Variants in DENND1C observed in about 807,000 individuals in gnomAD.
DENND1C encodes DENN domain-containing protein 1C.
In DENND1C, 64 loss-of-function variants were observed where a neutral mutation model predicts 87.9. The observed-to-expected ratio is 0.73, with a 90% CI of 0.60 to 0.90. The LOEUF is 0.90. Among genes scored for constraint, DENND1C ranks in the 40% least tolerant of loss-of-function variants. DENND1C has a pLI of 0.00. For synonymous variants in DENND1C, 384 were observed against 424.4 expected (o/e 0.90, Z 1.17); for missense variants, 980 against 1,037.0 (o/e 0.95, Z 0.76).
rs1490969740 is a variant in DENND1C at position 6,467,476 on chromosome 19, A to G, written c.*28T>C. The G allele has an allele frequency of 1.3e-6, 2 of 1,510,630 alleles. No individual in the cohort carries two copies. Among genetic ancestry groups the G allele is most frequent in the Non-Finnish European group, 1.8e-6 (2 of 1,130,628 alleles). The allele number at this position is 1,510,630 out of a possible 1,614,324, so 93.6% of individuals were successfully genotyped here. A position where few individuals can be genotyped will look rare whatever the true frequency, so the allele number is the denominator to read the frequency against. On this transcript the variant is annotated 3_prime_UTR_variant, in exon 23 of 23. Transcript: ENST00000381480. Reference sequence around the variant, plus strand: ...TGGGCTCTTGTGGCTTTATTGAGGGACTGGGGTCTCTCTTGGACCCCTGAT... The same window carrying G: ...TGGGCTCTTGTGGCTTTATTGAGGGGCTGGGGTCTCTCTTGGACCCCTGAT...
intron 17 of DENND1C, 100 bp downstream of exon 17, chr19:6,471,165 C>T (rs751440399): frequency 5.3e-6 from 8 of 1,511,524 alleles, no homozygotes; most frequent in African/African-American, 4.2e-5. Context: ...TAACCGGTCT[C>T]AAACTTCTGG....
chr19:6,467,904 TC>T lies in DENND1C; in HGVS notation c.2005del (p.Asp669ThrfsTer11), dbSNP rs772049667. ...TASADPSIWG[D>X]PKPSPLTEPL... is the part of the protein sequence containing the mutation. ...CTCTGTGAGAGGAGAGGGTTTGGGG[TC>T]CCCCCAGATGCTTGGGTCTGCAGAA... On this transcript the variant is annotated frameshift_variant, in exon 23 of 23. Coordinates refer to ENST00000381480, the MANE Select transcript of DENND1C (RefSeq NM_024898.4). LOFTEE classifies it low-confidence loss of function (END_TRUNC). 2 of 1,612,076 alleles carry T rather than the reference TC, an allele frequency of 1.2e-6. No homozygotes were observed. Among genetic ancestry groups the T allele is most frequent in the Admixed American group, 1.7e-5 (1 of 59,684 alleles).
At chr19:6,473,336 G>A (rs1352676205) in intron 14 of DENND1C, among the ~76,000 whole-genome samples, 2 of 151,878 alleles carry the variant, frequency 1.3e-5, no homozygotes, top group African/African-American at 4.8e-5. Context: ...TGTATTTTTA[G>A]TAGAGACTGG....
At chr19:6,476,347 C>T (rs763025371) in intron 10 of DENND1C, 90 of 192,004 alleles carry the variant, frequency 4.7e-4, no homozygotes, top group Non-Finnish European at 4.3e-4. Context: ...GGAAGGCAAT[C>T]ATTTGGCCCC....
chr19:6,477,157 C>T, intron 8 of DENND1C, 30 bp from the exon 9 acceptor site: 4 of 1,598,538 alleles, frequency 2.5e-6, no homozygotes, highest in Non-Finnish European at 3.4e-6. Context: ...GGGGATCAAT[C>T]AGTCAGGAGG....
rs747003410 is a variant in DENND1C at position 6,468,356 on chromosome 19, GTTC to G, written c.1666_1668del (p.Glu556del). On this transcript the variant is annotated inframe_deletion, in exon 22 of 23. Coordinates refer to ENST00000381480, the MANE Select transcript of DENND1C (RefSeq NM_024898.4). Reference sequence around the variant, plus strand: ...TCCAGAATCTCGCTCAACAAATCCAGTTCTTCTCCAGACCCCAAGAAGCTGCTG... The same window carrying G: ...TCCAGAATCTCGCTCAACAAATCCAGTTCTCCAGACCCCAAGAAGCTGCTG... 6.2e-7 allele frequency: 1 copy of G among 1,613,872 alleles called. No individual in the cohort carries two copies. The highest frequency in any genetic ancestry group is 8.5e-7 in the Non-Finnish European group (1 of 1,179,822).
Position 6,468,609 on chromosome 19 carries a change from C to T in DENND1C, c.1552G>A (p.Glu518Lys), listed in dbSNP as rs1396335752. The change falls in exon 21 of 23, where the codon GAA (glutamate) becomes AAA (lysine). Residue 518 changes from glutamate (E) to lysine (K), a missense_variant. Transcript: ENST00000381480. ...CCTGGGGGCTCGGAAGTTCCCTCTT[C>T]CAGCTGGCGTCTCCTGCTGGGGCGA... is the stretch of plus-strand genomic sequence containing the variant. ...PLRPSRRRQLEEGTSEPPGAG... is the reference protein window; with the variant it reads ...PLRPSRRRQLKEGTSEPPGAG... 6.6e-7 allele frequency: 1 copy of T among 1,510,742 alleles called. No individual in the cohort carries two copies. The highest frequency in any genetic ancestry group is 2.4e-5 in the East Asian group (1 of 42,112). 93.6% of individuals were successfully genotyped at this position (1,510,742 alleles called of 1,614,324 possible).
At position 6,476,849 on chromosome 19, in the gene DENND1C, C is replaced by T. The variant is rs190712565; in HGVS notation, c.678+8G>A. ...GCTCCCACCCCGGCCCGGCGGACCC[C>T]GCCTCACGGTGCTGAGTTTGCTGGC... On this transcript the variant is annotated splice_region_variant and intron_variant, in intron 10 of 22. Transcript: ENST00000381480. 8.1e-4 allele frequency: 1,307 copies of T among 1,608,690 alleles called. 14 individuals are homozygous for T. The East Asian group carries it at 0.016, about 20-fold the overall frequency.
At chr19:6,476,061 T>TGACAACTCG (rs1177207750) in intron 10 of DENND1C, 124 bp from the exon 11 acceptor site, 3 of 920,632 alleles carry the variant, frequency 3.3e-6, no homozygotes, top group Non-Finnish European at 4.8e-6. Context: ...GGATAATGAG[T>TGACAACTCG]GACAACTCGA....
intron 10 of DENND1C, 76 bp from the exon 11 acceptor site, chr19:6,476,013 C>A: frequency 3.9e-6 from 5 of 1,296,170 alleles, no homozygotes; most frequent in Non-Finnish European, 4.2e-6. Flanking sequence ...GCATTTCCCA[C>A]GTCCCCAGTC....
intron 15 of DENND1C, among the ~76,000 whole-genome samples, chr19:6,472,075 C>T (rs979720576): frequency 1.3e-5 from 2 of 152,210 alleles, no homozygotes; most frequent in East Asian, 1.9e-4. Flanking sequence ...ACTACCCACC[C>T]GCTCTCATTG....
At chr19:6,471,159 C>T (rs11882213) in intron 17 of DENND1C, 106 bp downstream of exon 17, 639,975 of 1,469,106 alleles carry the variant, frequency 0.44, 148,932 homozygotes, top group Non-Finnish European at 0.48. Context: ...TTGCCCTAAC[C>T]GGTCTCAAAC....
chr19:6,467,489 T>C lies in DENND1C; in HGVS notation c.*15A>G, dbSNP rs2145166123. On this transcript the variant is annotated 3_prime_UTR_variant, in exon 23 of 23. Transcript: ENST00000381480. The stretch of plus-strand genomic sequence containing the variant: ...CTTTATTGAGGGACTGGGGTCTCTC[T>C]TGGACCCCTGATTCTTAACCCTCAA... 1.9e-6 allele frequency: 3 copies of C among 1,565,564 alleles called. No homozygotes were observed. The highest frequency in any genetic ancestry group is 1.2e-5 in the South Asian group (1 of 83,502).
chr19:6,472,175 C>CCCCCCCCCCCCCCCCCCCCCCCCCCA (rs2092833150), intron 15 of DENND1C, among the ~76,000 whole-genome samples: 1 of 132,700 alleles, frequency 7.5e-6, no homozygotes, highest in African/African-American at 2.7e-5. Context: ...TATGTGCCAC[C>CCCCCCCCCCCCCCCCCCCCCCCCCCA]CCGCCCCCCC....
At position 6,481,636 on chromosome 19, in the gene DENND1C, C is replaced by A. The variant is rs575755441; in HGVS notation, c.17+43G>T. 5 of 1,611,694 alleles carry A rather than the reference C, an allele frequency of 3.1e-6. No individual in the cohort carries two copies. In the Admixed American group the frequency reaches 5.0e-5, roughly 16 times the overall value. The stretch of plus-strand genomic sequence containing the variant: ...CCTCTGCCCCGGCTCAGGCCTGGCC[C>A]GGGAATCTTGTACCAGAGAATGAGG... On this transcript the variant is annotated intron_variant, in intron 1 of 22. Coordinates refer to ENST00000381480, the MANE Select transcript of DENND1C (RefSeq NM_024898.4).
At chr19:6,471,178 G>C in intron 17 of DENND1C, 87 bp downstream of exon 17, 1 of 1,523,718 alleles carries the variant, frequency 6.6e-7, no homozygotes, top group Non-Finnish European at 8.9e-7. Flanking sequence ...ACTTCTGGTC[G>C]CAGCAATCCT....
Position 6,479,738 on chromosome 19 carries a change from C to G in DENND1C, c.127-20G>C, listed in dbSNP as rs369716889. Reference sequence around the variant, plus strand: ...AGCTTCCTGGAGGTGAAGAAAAGCGCAGACTGCTTGGCCACTGAGGTCGGG... The same window carrying G: ...AGCTTCCTGGAGGTGAAGAAAAGCGGAGACTGCTTGGCCACTGAGGTCGGG... On this transcript the variant is annotated intron_variant, in intron 3 of 22. Transcript: ENST00000381480. The G allele has an allele frequency of 1.9e-6, 3 of 1,613,916 alleles. No homozygotes were observed. The highest frequency in any genetic ancestry group is 2.2e-5 in the South Asian group (2 of 91,084).
chr19:6,474,993 C>T (rs1203013844), intron 14 of DENND1C, among the ~76,000 whole-genome samples: 1 of 151,892 alleles, frequency 6.6e-6, no homozygotes, highest in Non-Finnish European at 1.5e-5. Flanking sequence ...CGCTTGAACC[C>T]GGGAGGCACT....
rs543702567 is a variant in DENND1C, at chr19:6,476,771, T to C, written c.678+86A>G. 175 of 1,365,684 alleles carry C rather than the reference T, an allele frequency of 1.3e-4. 1 individual carries two copies. The South Asian group carries it at 2.2e-3, about 17-fold the overall frequency. The allele number at this position is 1,365,684 out of a possible 1,614,324, so 84.6% of individuals were successfully genotyped here. A position where few individuals can be genotyped will look rare whatever the true frequency, so the allele number is the denominator to read the frequency against. On this transcript the variant is annotated intron_variant, in intron 10 of 22. Transcript: ENST00000381480. ...GCCCTCGGGTCTCGCGCAGTAGGGT[T>C]AGAGCCAGGAATCAGCCCCCTTGTC...
Sources: gnomAD v4.1 joint callset for allele counts (sites outside exome capture counted in the v4.1 genomes callset) on GRCh38, gnomAD v4.1.1 for gene constraint, MANE v1.5 for transcripts, NCBI Gene and HGNC (gene_info 2026-07-23, HGNC 2026-07-21) for gene names.